NHSL1: variants seen among roughly 807,000 people sequenced by gnomAD.
NHSL1 encodes the protein NHS like 1, also known as NHS-like protein 1.
A neutral mutation model predicts 95.0 loss-of-function variants in NHSL1; 48 were observed. The observed-to-expected ratio is 0.51, with a 90% CI of 0.40 to 0.64. The LOEUF is 0.64. Ranked by LOEUF, NHSL1 falls within the 30% of genes least tolerant of loss-of-function variation. The pLI is 0.00. For synonymous variants in NHSL1, 783 were observed against 833.9 expected, an observed-to-expected ratio of 0.94 and a Z score of 1.05; for missense variants, 1,971 against 2,077.7, an observed-to-expected ratio of 0.95 and a Z score of 1.00.
intron 1 of NHSL1, among the ~76,000 whole-genome samples, chr6:138,507,992 G>A (rs80014340): frequency 0.017 from 2,560 of 152,230 alleles, 69 homozygotes; most frequent in African/African-American, 0.059. Context: ...TACTCTGCAT[G>A]TGCTGAAGCT....
At chr6:138,426,835 G>C (rs1326588680) in intron 7 of NHSL1, among the ~76,000 whole-genome samples, 2 of 152,178 alleles carry the variant, frequency 1.3e-5, no homozygotes, top group Non-Finnish European at 2.9e-5. Context: ...CAGGTTTCAT[G>C]GTCCCACTCA....
chr6:138,613,265 T>C (rs1784537785), intron 1 of NHSL1, among the ~76,000 whole-genome samples: 1 of 152,178 alleles, frequency 6.6e-6, no homozygotes, highest in East Asian at 1.9e-4. Context: ...TTTTCACGGT[T>C]TCTGATCGAG....
upstream of NHSL1, among the ~76,000 whole-genome samples, chr6:138,503,619 C>T (rs971871130): frequency 6.6e-6 from 1 of 152,154 alleles, no homozygotes; most frequent in Admixed American, 6.5e-5. Flanking sequence ...ACGACTAAGA[C>T]TGTATGGTCC....
In NHSL1 at chr6:138,442,003, T is replaced by C. The variant is rs974892308; in HGVS notation, c.644A>G (p.Asp215Gly). 1 of 1,551,130 alleles carries C rather than the reference T, an allele frequency of 6.4e-7. No individual in the cohort carries two copies. Among genetic ancestry groups the C allele is most frequent in the African/African-American group, 1.4e-5 (1 of 73,046 alleles). ...CATACCTAGCTCCTTCTGTATGTTG[T>C]CAGGGACTCCTGTAATAGTCTTTCT... ...KRRKTITGVP[D>G]NIQKELASGT... is the part of the protein sequence containing the mutation. Residue 215 changes from aspartate (D) to glycine (G), a missense_variant, in exon 5 of 8, where the codon GAC becomes GGC. By Grantham distance (94) the Asp-to-Gly change is moderately conservative. Around this residue, in one of 3 missense-constraint regions of NHSL1, gnomAD observed 1,602 missense variants for 1,654.5 expected, o/e 0.97. Coordinates refer to ENST00000343505, the MANE Select transcript of NHSL1 (RefSeq NM_001144060.2).
intron 1 of NHSL1, among the ~76,000 whole-genome samples, chr6:138,557,534 T>C (rs567262806): frequency 1.5e-4 from 23 of 152,326 alleles, no homozygotes; most frequent in African/African-American, 5.5e-4. Flanking sequence ...AAACAGTCAC[T>C]GGAAGTTAAA....
intron 1 of NHSL1, among the ~76,000 whole-genome samples, chr6:138,654,007 A>T (rs533137084): frequency 6.6e-6 from 1 of 152,250 alleles, no homozygotes; most frequent in African/African-American, 2.4e-5. Context: ...TTCTTCATAA[A>T]ATTTACTCCT....
At chr6:138,483,227 A>G (rs535221510) in intron 2 of NHSL1, among the ~76,000 whole-genome samples, 1 of 152,320 alleles carries the variant, frequency 6.6e-6, no homozygotes, top group South Asian at 2.1e-4. Flanking sequence ...GGGCAATAGA[A>G]TTTTGCTTCC....
Position 138,433,236 on chromosome 6 carries a change from A to G in NHSL1, c.1109T>C (p.Leu370Ser). 1.3e-6 allele frequency: 2 copies of G among 1,551,360 alleles called. No individual in the cohort carries two copies. The highest frequency in any genetic ancestry group is 1.7e-6 in the Non-Finnish European group (2 of 1,146,844). Reference protein sequence around the residue: ...HPQADENLGHLGGASGTGTLL... With the variant: ...HPQADENLGHSGGASGTGTLL... ...TGTTCCAGTCCCTGAGGCACCTCCT[A>G]AATGGCCTAAGTTTTCATCTGCTTG... The change falls in exon 6 of 8, where the codon TTA (leucine) becomes TCA (serine). Residue 370 changes from leucine (L) to serine (S), a missense_variant. Physicochemically the swap from Leu to Ser is moderately radical, Grantham distance 145. Around this residue, in one of 3 missense-constraint regions of NHSL1, gnomAD observed 1,602 missense variants for 1,654.5 expected, o/e 0.97. Coordinates refer to ENST00000343505, the MANE Select transcript of NHSL1 (RefSeq NM_001144060.2).
At chr6:138,514,902 G>A (rs1367566587) in intron 1 of NHSL1, among the ~76,000 whole-genome samples, 2 of 151,964 alleles carry the variant, frequency 1.3e-5, no homozygotes, top group African/African-American at 2.4e-5. Context: ...CAGCCTGGGC[G>A]ACAACACAAG....
chr6:138,634,029 C>T (rs1784856630), intron 1 of NHSL1, among the ~76,000 whole-genome samples: 1 of 152,018 alleles, frequency 6.6e-6, no homozygotes, highest in African/African-American at 2.4e-5. Flanking sequence ...ATAATATTTA[C>T]ATGCTTTATG....
chr6:138,532,819 G>A (rs772109622), intron 1 of NHSL1, among the ~76,000 whole-genome samples: 8 of 152,114 alleles, frequency 5.3e-5, no homozygotes, highest in Non-Finnish European at 8.8e-5. Flanking sequence ...GAAGATTCCA[G>A]GCTCATCCCG....
chr6:138,552,754 C>T (rs893880882), intron 1 of NHSL1, among the ~76,000 whole-genome samples: 5 of 152,212 alleles, frequency 3.3e-5, no homozygotes, highest in African/African-American at 1.2e-4. Flanking sequence ...TTAGCTGTGG[C>T]AAGCTGCCTT....
At chr6:138,610,117 T>C (rs1784489782) in intron 1 of NHSL1, among the ~76,000 whole-genome samples, 1 of 152,090 alleles carries the variant, frequency 6.6e-6, no homozygotes, top group South Asian at 2.1e-4. Context: ...GCCCCACCAA[T>C]GCCTCATCCC....
chr6:138,593,871 T>G (rs1289067972), intron 1 of NHSL1, among the ~76,000 whole-genome samples: 1 of 152,232 alleles, frequency 6.6e-6, no homozygotes, highest in African/African-American at 2.4e-5. Flanking sequence ...GAGGTTCAGC[T>G]GTCAGAAATT....
intron 1 of NHSL1, among the ~76,000 whole-genome samples, chr6:138,563,949 T>C (rs1333146057): frequency 6.6e-6 from 1 of 152,204 alleles, no homozygotes; most frequent in African/African-American, 2.4e-5. Context: ...GGGAAACCAG[T>C]TAAGAAAAGA....
chr6:138,647,100 T>C (rs1490412325), intron 1 of NHSL1, among the ~76,000 whole-genome samples: 1 of 152,220 alleles, frequency 6.6e-6, no homozygotes, highest in East Asian at 1.9e-4. Context: ...CTCCTTTCTG[T>C]ACTAATCTCC....
intron 5 of NHSL1, among the ~76,000 whole-genome samples, chr6:138,437,451 A>C (rs1447593391): frequency 0.014 from 1,914 of 132,998 alleles, 83 homozygotes; most frequent in African/African-American, 0.043. Context: ...CACACAAAAA[A>C]AAAAAAAAAA....
At chr6:138,489,340 A>G (rs932680493) in intron 2 of NHSL1, among the ~76,000 whole-genome samples, 1 of 152,290 alleles carries the variant, frequency 6.6e-6, no homozygotes, top group Admixed American at 6.5e-5. Context: ...TATAGATGAG[A>G]AAATAAGATC....
At position 138,433,035 on chromosome 6, in the gene NHSL1, T is replaced by A. The variant is rs557194634; in HGVS notation, c.1310A>T (p.Glu437Val). 70 of 1,551,574 alleles carry A rather than the reference T, an allele frequency of 4.5e-5. No individual in the cohort carries two copies. The highest frequency in any genetic ancestry group is 2.4e-4 in the South Asian group (20 of 84,064). ...IPTAQSAGQR[E>V]SKSSGSSHAR... is the part of the protein sequence containing the mutation. ...ATGTGATGAGCCAGAACTTTTACTT[T>A]CCCGCTGTCCCGCACTCTGAGCAGT... Residue 437 changes from glutamate (E) to valine (V), a missense_variant, in exon 6 of 8, where the codon GAA becomes GTA. Glu to Val is a moderately radical substitution (Grantham distance 121). This residue lies in a region of NHSL1 where 1,602 missense variants were observed against 1,654.5 expected (regional missense o/e 0.97). Transcript: ENST00000343505.
Sources: allele counts gnomAD v4.1 joint callset (sites outside exome capture counted in the v4.1 genomes callset), GRCh38; gene constraint gnomAD v4.1.1; regional missense constraint gnomAD v4.1.1; transcripts MANE v1.5; gene names NCBI Gene and HGNC (gene_info 2026-07-23, HGNC 2026-07-21).